Variants in PRKAR1B observed in about 807,000 individuals in gnomAD.
PRKAR1B encodes protein kinase cAMP-dependent type I regulatory subunit beta.
A neutral mutation model predicts 46.5 loss-of-function variants in PRKAR1B; 22 were observed. The ratio of observed to expected loss-of-function variants is 0.47; its 90% confidence interval spans 0.34 to 0.68. PRKAR1B has a LOEUF of 0.68. Among genes scored for constraint, PRKAR1B ranks in the 30% least tolerant of loss-of-function variants. The pLI, the probability that PRKAR1B is intolerant of heterozygous loss-of-function variation, is 0.01. For synonymous variants in PRKAR1B, 259 were observed against 217.7 expected (o/e 1.19, Z -1.67); for missense variants, 445 against 535.6 (o/e 0.83, Z 1.67).
rs1253165526 is a variant in PRKAR1B at position 708,808 on chromosome 7, T to C, written c.177+2521A>G. Among the ~76,000 whole-genome samples the C allele has an allele frequency of 1.9e-4, 28 of 146,926 alleles. No individual in the cohort carries two copies. In the South Asian group the frequency reaches 5.6e-3, roughly 29 times the overall value. ...GGCCCCAATTTTTTTTTTTTTTTTT[T>C]CTGAGACGGAGTCTCCCTCTGTCGC... is the stretch of plus-strand genomic sequence containing the variant. On this transcript the variant is annotated intron_variant, in intron 2 of 10. Coordinates refer to ENST00000537384, the MANE Select transcript of PRKAR1B (RefSeq NM_001164760.2).
At chr7:569,213 G>A (rs1382748256) in intron 9 of PRKAR1B, among the ~76,000 whole-genome samples, 1 of 152,184 alleles carries the variant, frequency 6.6e-6, no homozygotes, top group East Asian at 1.9e-4. Context: ...TTACTTTGAA[G>A]GTTCTTGTCT....
chr7:603,965 C>T (rs1214011444), intron 6 of PRKAR1B, among the ~76,000 whole-genome samples: 4 of 152,138 alleles, frequency 2.6e-5, no homozygotes, highest in South Asian at 2.1e-4. Context: ...TGGGATAAAG[C>T]GGTGGGTCCA....
chr7:727,267 C>A lies in PRKAR1B; in HGVS notation c.-80G>T. Reference sequence around the variant, plus strand: ...CCTGCTCGACCCCTTCGCCGCCGTGCGCCGCGAGAGCTGCAGCTGCGCCGC... The same window carrying A: ...CCTGCTCGACCCCTTCGCCGCCGTGAGCCGCGAGAGCTGCAGCTGCGCCGC... On this transcript the variant is annotated 5_prime_UTR_variant, in exon 1 of 11. Transcript: ENST00000537384. 1 of 1,329,128 alleles carries A rather than the reference C, an allele frequency of 7.5e-7. No homozygotes were observed. Among genetic ancestry groups the A allele is most frequent in the Non-Finnish European group, 9.6e-7 (1 of 1,043,866 alleles). The allele number at this position is 1,329,128 out of a possible 1,614,324, so 82.3% of individuals were successfully genotyped here.
chr7:694,748 G>A (rs1779632332), intron 2 of PRKAR1B, among the ~76,000 whole-genome samples: 1 of 152,100 alleles, frequency 6.6e-6, no homozygotes, highest in Non-Finnish European at 1.5e-5. Context: ...CAAGAACCAG[G>A]TGAAGGGCCG....
intron 2 of PRKAR1B, among the ~76,000 whole-genome samples, chr7:704,513 C>T (rs780457994): frequency 7.9e-5 from 12 of 152,336 alleles, no homozygotes; most frequent in South Asian, 2.1e-4. Flanking sequence ...CGGTGGCTCA[C>T]GCCTGTAATC....
chr7:642,831 A>T (rs1784460537), intron 4 of PRKAR1B, among the ~76,000 whole-genome samples: 1 of 151,166 alleles, frequency 6.6e-6, no homozygotes, highest in African/African-American at 2.5e-5. Flanking sequence ...CAGGCAGCAC[A>T]CTCGGTTCAC....
rs1216388802 is a variant in PRKAR1B at position 714,030 on chromosome 7, G to A, written c.-22-2503C>T. Among the ~76,000 whole-genome samples, 8 of 152,158 alleles carry A rather than the reference G, an allele frequency of 5.3e-5. No homozygotes were observed. The East Asian group carries it at 1.5e-3, about 29-fold the overall frequency. On this transcript the variant is annotated intron_variant, in intron 1 of 10. Transcript: ENST00000537384. This position sits in a 1 kb window ranked among gnomAD's most constrained non-coding sequence, Gnocchi z 4.3. ...TGGCTCTCCCAGCCCTGGCCTGCCT[G>A]GAGCTGCTGCTGACCAGCAGTACCA... is the stretch of plus-strand genomic sequence containing the variant.
At chr7:693,955 T>C (rs1458498930) in intron 2 of PRKAR1B, among the ~76,000 whole-genome samples, 1 of 152,222 alleles carries the variant, frequency 6.6e-6, no homozygotes, top group Non-Finnish European at 1.5e-5. Flanking sequence ...ACAGCATGCA[T>C]TGGGTTTGGG....
At chr7:665,393 G>A (rs1287051219) in intron 4 of PRKAR1B, among the ~76,000 whole-genome samples, 3 of 152,178 alleles carry the variant, frequency 2.0e-5, no homozygotes, top group South Asian at 2.1e-4. Flanking sequence ...AGCCTCGGGG[G>A]CCACGGGGGA....
intron 4 of PRKAR1B, among the ~76,000 whole-genome samples, chr7:634,920 G>C (rs926726191): frequency 6.6e-6 from 1 of 152,128 alleles, no homozygotes. Context: ...GATCACAGGT[G>C]TGAGCCACCG....
intron 4 of PRKAR1B, among the ~76,000 whole-genome samples, chr7:638,342 A>G (rs930668422): frequency 1.4e-4 from 22 of 152,206 alleles, no homozygotes; most frequent in Non-Finnish European, 7.3e-5. Flanking sequence ...CACACCTCAC[A>G]TAATTAAAAA....
At chr7:584,595 C>G (rs899986406) in intron 7 of PRKAR1B, 27 bp from the exon 8 acceptor site, 1 of 1,595,296 alleles carries the variant, frequency 6.3e-7, no homozygotes, top group Admixed American at 1.7e-5. Flanking sequence ...AAAAAACAGA[C>G]AAGAAGGTGA....
At chr7:628,562 G>T (rs1178552488) in intron 4 of PRKAR1B, among the ~76,000 whole-genome samples, 2 of 152,218 alleles carry the variant, frequency 1.3e-5, no homozygotes, top group African/African-American at 2.4e-5. Flanking sequence ...GCCGGCAGGG[G>T]CTCGATGGGA....
intron 4 of PRKAR1B, among the ~76,000 whole-genome samples, chr7:671,412 C>T (rs938852297): frequency 1.3e-5 from 2 of 152,328 alleles, no homozygotes; most frequent in African/African-American, 2.4e-5. Flanking sequence ...CCCCTGGGAA[C>T]TCCAAGCACA....
chr7:585,143 A>C (rs1780524835), intron 7 of PRKAR1B, among the ~76,000 whole-genome samples: 1 of 152,222 alleles, frequency 6.6e-6, no homozygotes, highest in Non-Finnish European at 1.5e-5. Context: ...TGAATTAGAA[A>C]TTAGAATTCA....
intron 2 of PRKAR1B, among the ~76,000 whole-genome samples, chr7:683,840 C>G (rs1012551085): frequency 1.3e-5 from 2 of 152,260 alleles, no homozygotes; most frequent in African/African-American, 4.8e-5. Flanking sequence ...CCGCTCCTCA[C>G]CCAGCCCGAT....
intron 1 of PRKAR1B, among the ~76,000 whole-genome samples, chr7:724,600 G>A (rs939920666): frequency 5.9e-5 from 9 of 152,202 alleles, no homozygotes; most frequent in Admixed American, 4.6e-4. Context: ...GCGTGAAAAT[G>A]GACTAATACA....
chr7:675,168 T>TA (rs1481174576), intron 4 of PRKAR1B, among the ~76,000 whole-genome samples: 1 of 152,224 alleles, frequency 6.6e-6, no homozygotes, highest in Non-Finnish European at 1.5e-5. Flanking sequence ...CAGCAGTTCA[T>TA]AAACTCTGAT....
chr7:572,732 C>T (rs186857097), intron 9 of PRKAR1B, among the ~76,000 whole-genome samples: 1 of 152,292 alleles, frequency 6.6e-6, no homozygotes, highest in East Asian at 1.9e-4. Flanking sequence ...GAGCAGGAGG[C>T]CCCAGGTGGA....
Sources: gnomAD v4.1 joint callset for allele counts (sites outside exome capture counted in the v4.1 genomes callset) on GRCh38, gnomAD v4.1.1 for gene constraint, Gnocchi (gnomAD v3.1) non-coding constraint, MANE v1.5 for transcripts, NCBI Gene and HGNC (gene_info 2026-07-23, HGNC 2026-07-21) for gene names.